RNF150: variants seen among roughly 807,000 people sequenced by gnomAD.
The protein encoded by RNF150 is ring finger protein 150.
RNF150 carries 24 observed loss-of-function variants against 39.3 expected under a neutral mutation model. That is an observed-to-expected ratio of 0.61 (90% confidence interval 0.44 to 0.86). The LOEUF is 0.86. RNF150 is among the 40% of genes least tolerant of loss of function. The probability of loss-of-function intolerance (pLI) is 0.00; values close to 1 mark genes in which losing one functional copy is unlikely to be tolerated. For missense variants in RNF150, 502 were observed against 587.8 expected (o/e 0.85, Z 1.51); for synonymous variants, 255 against 227.3 (o/e 1.12, Z -1.10).
chr4:140,867,882 T>A lies in RNF150; in HGVS notation c.*379A>T. On this transcript the variant is annotated 3_prime_UTR_variant, in exon 7 of 7. Transcript: ENST00000515673. ...AAACTACAAATAATCTTTAAAAAAA[T>A]TGCCAAAGAAATCAAACAACATGCC... is the stretch of plus-strand genomic sequence containing the variant. 1 of 169,940 alleles carries A rather than the reference T, an allele frequency of 5.9e-6. No individual in the cohort carries two copies. The highest frequency in any genetic ancestry group is 1.2e-5 in the Non-Finnish European group (1 of 80,334). The allele number at this position is 169,940 out of a possible 1,614,324, so 10.5% of individuals were successfully genotyped here.
intron 1 of RNF150, among the ~76,000 whole-genome samples, chr4:141,121,307 C>T (rs1285497299): frequency 6.6e-6 from 1 of 152,174 alleles, no homozygotes; most frequent in Non-Finnish European, 1.5e-5. Flanking sequence ...CAACCATATG[C>T]TGCTTTCTCT....
chr4:140,945,348 A>G (rs1331053509), intron 4 of RNF150, among the ~76,000 whole-genome samples: 2 of 152,038 alleles, frequency 1.3e-5, no homozygotes, highest in Non-Finnish European at 1.5e-5. Flanking sequence ...GATCTGGAAT[A>G]ACACATCATG....
chr4:140,979,831 G>A (rs1405211290), intron 1 of RNF150, among the ~76,000 whole-genome samples: 1 of 152,058 alleles, frequency 6.6e-6, no homozygotes, highest in Admixed American at 6.6e-5. Context: ...AAACTCGAAG[G>A]CTGATGAATG....
chr4:141,057,593 A>G (rs533926136), intron 1 of RNF150, among the ~76,000 whole-genome samples: 1 of 152,092 alleles, frequency 6.6e-6, no homozygotes. Context: ...ATCTCTTATG[A>G]CTTTGCATCC....
intron 1 of RNF150, among the ~76,000 whole-genome samples, chr4:141,033,179 T>C (rs899209561): frequency 6.6e-6 from 1 of 152,228 alleles, no homozygotes; most frequent in African/African-American, 2.4e-5. Context: ...TTTCCACTGC[T>C]TTATTAAGTA....
Position 141,042,023 on chromosome 4 carries a change from A to T in RNF150, c.485-74150T>A, listed in dbSNP as rs140316144. ...TCTCACTGGGGCCAGTACTAGAAAG[A>T]TGACTATTTTCTCAATGAAAAGTTG... On this transcript the variant is annotated intron_variant, in intron 1 of 6. Transcript: ENST00000515673. Among the ~76,000 whole-genome samples the T allele has an allele frequency of 1.1e-3, 173 of 152,206 alleles. 4 individuals are homozygous for T. The East Asian group carries it at 0.032, about 28-fold the overall frequency.
intron 5 of RNF150, among the ~76,000 whole-genome samples, chr4:140,914,208 C>T (rs1560963155): frequency 6.6e-6 from 1 of 152,134 alleles, no homozygotes; most frequent in Non-Finnish European, 1.5e-5. Context: ...CTAATTAGCA[C>T]AGTGAAACTG....
chr4:141,151,056 C>T (rs1301345942), intron 1 of RNF150, among the ~76,000 whole-genome samples: 1 of 152,046 alleles, frequency 6.6e-6, no homozygotes, highest in Non-Finnish European at 1.5e-5. Context: ...TCTCCTGCCT[C>T]ATCTTCTCAA....
chr4:141,158,612 C>T lies in RNF150; in HGVS notation c.-6+54182G>A, dbSNP rs559276754. ...GTATTAACATTTACCAAACATTCTG[C>T]TGAACTGACATAGTCAAATTTTTCT... On this transcript the variant is annotated intron_variant, in intron 1 of 7. Coordinates refer to the RNF150 transcript ENST00000420921. Among the ~76,000 whole-genome samples the T allele has an allele frequency of 4.5e-4, 69 of 152,294 alleles. No homozygotes were observed. In the South Asian group the frequency reaches 4.6e-3, roughly 10 times the overall value.
intron 2 of RNF150, among the ~76,000 whole-genome samples, chr4:140,956,884 C>T (rs1469385979): frequency 2.0e-5 from 3 of 151,700 alleles, no homozygotes; most frequent in African/African-American, 7.3e-5. Context: ...CCCTTCCTTA[C>T]ACCTTATACA....
In RNF150 at chr4:140,947,171, TA is replaced by T. The variant is rs879543475; in HGVS notation, c.890+482del. On this transcript the variant is annotated intron_variant, in intron 4 of 6. Transcript: ENST00000515673. ...GTGTCACATTCTCTTTCTGTTAGTT[TA>T]AAAAAAAAAAAATGAAAGGGCATGG... is the stretch of plus-strand genomic sequence containing the variant. Among the ~76,000 whole-genome samples, 643 of 144,388 alleles carry T rather than the reference TA, an allele frequency of 4.5e-3. 1 individual carries two copies. The highest frequency in any genetic ancestry group is 0.011 in the Middle Eastern group (3 of 282). 94.7% of individuals were successfully genotyped at this position (144,388 alleles called of 152,430 possible).
chr4:141,003,651 G>A (rs1179183294), intron 1 of RNF150, among the ~76,000 whole-genome samples: 1 of 151,804 alleles, frequency 6.6e-6, no homozygotes, highest in Non-Finnish European at 1.5e-5. Context: ...AAATCCAAGG[G>A]AAGGGGAGGA....
At chr4:141,158,796 C>G (rs1246631091) in intron 1 of RNF150, among the ~76,000 whole-genome samples, 1 of 152,044 alleles carries the variant, frequency 6.6e-6, no homozygotes, top group African/African-American at 2.4e-5. Flanking sequence ...TCAGTATTTC[C>G]TGTGAGTATA....
rs148500027 is a variant in RNF150, at chr4:140,947,384, A to C, written c.890+270T>G. Among the ~76,000 whole-genome samples, 762 of 152,304 alleles carry C rather than the reference A, an allele frequency of 5.0e-3. 3 individuals are homozygous for C. Among genetic ancestry groups the C allele is most frequent in the Non-Finnish European group, 6.3e-3 (427 of 68,018 alleles). ...CTTGTACTTGGCGGCCACATCATCAAATTCTGTCTCATGAAGTCCTAGTTC... is the reference window on the plus strand; with the variant it reads ...CTTGTACTTGGCGGCCACATCATCACATTCTGTCTCATGAAGTCCTAGTTC... On this transcript the variant is annotated intron_variant, in intron 4 of 6. Coordinates refer to ENST00000515673, the MANE Select transcript of RNF150 (RefSeq NM_020724.2).
At chr4:140,872,800 T>C (rs938268223) in intron 6 of RNF150, among the ~76,000 whole-genome samples, 1 of 152,214 alleles carries the variant, frequency 6.6e-6, no homozygotes, top group Non-Finnish European at 1.5e-5. Flanking sequence ...GGTTTGCATA[T>C]GCTATGTTTG....
intron 1 of RNF150, among the ~76,000 whole-genome samples, chr4:141,021,923 T>C (rs1261719984): frequency 6.6e-6 from 1 of 152,142 alleles, no homozygotes; most frequent in African/African-American, 2.4e-5. Context: ...AGGGAAAACA[T>C]GAGAGTTTAG....
intron 2 of RNF150, among the ~76,000 whole-genome samples, chr4:140,960,092 C>T (rs1425443): frequency 0.22 from 33,873 of 151,996 alleles, 4,125 homozygotes; most frequent in East Asian, 0.34. Flanking sequence ...AATTTAACAT[C>T]GTCAAATCCA....
At chr4:140,912,962 A>T (rs954842814) in intron 5 of RNF150, among the ~76,000 whole-genome samples, 1 of 74,554 alleles carries the variant, frequency 1.3e-5, no homozygotes, top group Non-Finnish European at 2.5e-5. Context: ...CAGAACATAA[A>T]AAAAAAAAAA....
chr4:140,908,388 T>C (rs962512434), intron 6 of RNF150, among the ~76,000 whole-genome samples: 28 of 152,186 alleles, frequency 1.8e-4, no homozygotes, highest in Non-Finnish European at 2.9e-4. Flanking sequence ...ACCAGAAATA[T>C]ATGGTTTAGG....
Sources: allele counts gnomAD v4.1 joint callset (sites outside exome capture counted in the v4.1 genomes callset), GRCh38; gene constraint gnomAD v4.1.1; transcripts MANE v1.5; gene names NCBI Gene and HGNC (gene_info 2026-07-23, HGNC 2026-07-21).